CSMD1: variants seen among roughly 807,000 people sequenced by gnomAD.
CSMD1 encodes CUB and Sushi multiple domains 1.
A neutral mutation model predicts 417.5 loss-of-function variants in CSMD1; 213 were observed. The observed-to-expected ratio is 0.51, with a 90% CI of 0.46 to 0.57. CSMD1 has a LOEUF of 0.57. CSMD1 is among the 20% of genes least tolerant of loss of function. The pLI is 0.00. For synonymous variants in CSMD1, 2,862 were observed against 1,736.8 expected, an observed-to-expected ratio of 1.65 and a Z score of -16.11; for missense variants, 6,923 against 4,529.7, an observed-to-expected ratio of 1.53 and a Z score of -15.17.
rs573957673 is a variant in CSMD1 at position 3,407,708 on chromosome 8, T to C, written c.2071+191A>G. Among the ~76,000 whole-genome samples the C allele has an allele frequency of 3.3e-5, 5 of 152,330 alleles. No homozygotes were observed. The East Asian group carries it at 9.6e-4, about 29-fold the overall frequency. On this transcript the variant is annotated intron_variant, in intron 14 of 69. Coordinates refer to ENST00000635120, the MANE Select transcript of CSMD1 (RefSeq NM_033225.6). ...AGTTTAGGAGTGATGAAGCCACCTA[T>C]CTAAATACAGTGATACATTTGTTTT...
chr8:2,950,466 G>A, intron 66 of CSMD1, 123 bp from the exon 67 acceptor site: 1 of 645,242 alleles, frequency 1.5e-6, no homozygotes, highest in Non-Finnish European at 2.8e-6. Flanking sequence ...AACTCAAACA[G>A]AAATTGTATT....
intron 4 of CSMD1, among the ~76,000 whole-genome samples, chr8:4,012,739 C>T (rs568460609): frequency 3.3e-5 from 5 of 152,270 alleles, no homozygotes; most frequent in Admixed American, 6.5e-5. Flanking sequence ...CTAACTAGCC[C>T]TAAAATGGTT....
intron 4 of CSMD1, among the ~76,000 whole-genome samples, chr8:4,029,150 G>T (rs570601042): frequency 6.6e-6 from 1 of 152,084 alleles, no homozygotes; most frequent in African/African-American, 2.4e-5. Flanking sequence ...GAGGCAACAG[G>T]GCTAGAAGGA....
Position 4,985,280 on chromosome 8 carries a change from T to A in CSMD1, c.85+9052A>T, listed in dbSNP as rs188930019. Among the ~76,000 whole-genome samples, 794 of 152,278 alleles carry A rather than the reference T, an allele frequency of 5.2e-3. 9 individuals are homozygous for A. The highest frequency in any genetic ancestry group is 0.018 in the African/African-American group (767 of 41,566). The stretch of plus-strand genomic sequence containing the variant: ...ATGGATACTAGGCTTACTACCTTGG[T>A]AATGATATAATCGGTACAACAACCC... On this transcript the variant is annotated intron_variant, in intron 1 of 69. Transcript: ENST00000635120.
intron 1 of CSMD1, among the ~76,000 whole-genome samples, chr8:4,813,824 A>G (rs935880979): frequency 3.9e-5 from 6 of 152,210 alleles, no homozygotes; most frequent in African/African-American, 1.4e-4. Context: ...ATCAGATACA[A>G]GGCAGTAATT....
intron 3 of CSMD1, among the ~76,000 whole-genome samples, chr8:4,078,247 A>G (rs1024245789): frequency 1.3e-5 from 2 of 151,618 alleles, no homozygotes; most frequent in African/African-American, 4.8e-5. Flanking sequence ...TAAACGTATT[A>G]CGTAATTGCA....
At chr8:3,384,691 TTATATAAATTATATATAAA>T (rs1810864047) in intron 18 of CSMD1, among the ~76,000 whole-genome samples, 1 of 118,928 alleles carries the variant, frequency 8.4e-6, no homozygotes, top group Non-Finnish European at 1.6e-5. Context: ...AAATATATAT[TTATATAAATTATATATAAA>T]TATATTTATA....
In CSMD1 at chr8:3,899,807, C is replaced by T. The variant is rs560790080; in HGVS notation, c.818+98096G>A. ...CTGACTGGAAGGTGACAGTGGATAGCACCCTTCAGTATGACCCTACCACAG... is the reference window on the plus strand; with the variant it reads ...CTGACTGGAAGGTGACAGTGGATAGTACCCTTCAGTATGACCCTACCACAG... On this transcript the variant is annotated intron_variant, in intron 5 of 69. Transcript: ENST00000635120. Among the ~76,000 whole-genome samples, 6 of 152,282 alleles carry T rather than the reference C, an allele frequency of 3.9e-5. No homozygotes were observed. In the East Asian group the frequency reaches 9.7e-4, roughly 25 times the overall value.
At chr8:3,805,568 A>G (rs542003085) in intron 5 of CSMD1, among the ~76,000 whole-genome samples, 1 of 152,302 alleles carries the variant, frequency 6.6e-6, no homozygotes, top group African/African-American at 2.4e-5. Context: ...TTTGCAAGAA[A>G]CAGGTGAAAC....
At chr8:4,338,931 A>C (rs2128894303) in intron 3 of CSMD1, among the ~76,000 whole-genome samples, 1 of 152,262 alleles carries the variant, frequency 6.6e-6, no homozygotes, top group East Asian at 1.9e-4. Context: ...AGTTAAAGTA[A>C]GGGTAAGCGT....
chr8:3,824,455 C>A (rs1801932824), intron 5 of CSMD1, among the ~76,000 whole-genome samples: 2 of 152,124 alleles, frequency 1.3e-5, no homozygotes, highest in Non-Finnish European at 2.9e-5. Context: ...TCATTCTGCA[C>A]CTCTGTCCCC....
At chr8:3,762,042 C>A (rs1345367073) in intron 5 of CSMD1, among the ~76,000 whole-genome samples, 1 of 152,092 alleles carries the variant, frequency 6.6e-6, no homozygotes, top group Non-Finnish European at 1.5e-5. Flanking sequence ...TTGTGCCCTC[C>A]TATAGTCAAT....
intron 6 of CSMD1, among the ~76,000 whole-genome samples, chr8:3,742,391 A>G (rs1796851048): frequency 6.6e-6 from 1 of 152,234 alleles, no homozygotes; most frequent in Non-Finnish European, 1.5e-5. Context: ...AACTATAAGT[A>G]AAATTGTAAA....
chr8:3,772,046 G>C (rs758065729), intron 5 of CSMD1, among the ~76,000 whole-genome samples: 1 of 151,600 alleles, frequency 6.6e-6, no homozygotes, highest in Non-Finnish European at 1.5e-5. Context: ...CTTCTAGTGC[G>C]AGCATCTGAG....
chr8:3,090,132 G>C (rs1268295757), intron 48 of CSMD1, among the ~76,000 whole-genome samples: 1 of 151,732 alleles, frequency 6.6e-6, no homozygotes, highest in African/African-American at 2.4e-5. Flanking sequence ...GGCTAACACG[G>C]TGAAACCCCG....
intron 12 of CSMD1, among the ~76,000 whole-genome samples, chr8:3,422,486 T>A (rs1451976177): frequency 6.6e-6 from 1 of 152,134 alleles, no homozygotes; most frequent in Non-Finnish European, 1.5e-5. Context: ...TATAATTGAG[T>A]CTGTCTGAAA....
intron 5 of CSMD1, among the ~76,000 whole-genome samples, chr8:3,955,212 G>A (rs553401635): frequency 3.3e-5 from 5 of 152,154 alleles, no homozygotes; most frequent in East Asian, 3.9e-4. Context: ...CCTTGAATGC[G>A]CCTCTCTCTC....
chr8:4,002,411 C>A (rs999901235), intron 4 of CSMD1, among the ~76,000 whole-genome samples: 1 of 152,138 alleles, frequency 6.6e-6, no homozygotes, highest in African/African-American at 2.4e-5. Flanking sequence ...AGCTACCTAA[C>A]TAATATGTTT....
intron 3 of CSMD1, among the ~76,000 whole-genome samples, chr8:4,263,352 G>A (rs1359113283): frequency 6.6e-6 from 1 of 152,086 alleles, no homozygotes; most frequent in Non-Finnish European, 1.5e-5. Context: ...GAGTTATGGT[G>A]AACAAACTGC....
Sources: allele counts gnomAD v4.1 joint callset (sites outside exome capture counted in the v4.1 genomes callset), GRCh38; gene constraint gnomAD v4.1.1; transcripts MANE v1.5; gene names NCBI Gene and HGNC (gene_info 2026-07-23, HGNC 2026-07-21).